MREG: variants seen among roughly 807,000 people sequenced by gnomAD.
MREG encodes dilute suppressor protein homolog.
A neutral mutation model predicts 28.5 loss-of-function variants in MREG; 31 were observed. That is an observed-to-expected ratio of 1.09 (90% confidence interval 0.82 to 1.47). The LOEUF (loss-of-function observed/expected upper bound fraction) is 1.47. Ranked by LOEUF, MREG falls within the 40% of genes most tolerant of loss-of-function variation. The pLI is 0.00. For synonymous variants in MREG, 106 were observed against 95.2 expected, an observed-to-expected ratio of 1.11 and a Z score of -0.66; for missense variants, 256 against 257.4, an observed-to-expected ratio of 0.99 and a Z score of 0.04.
intron 1 of MREG, among the ~76,000 whole-genome samples, chr2:215,999,112 G>A (rs1378157669): frequency 1.3e-4 from 20 of 152,204 alleles, no homozygotes; most frequent in Non-Finnish European, 1.8e-4. Flanking sequence ...AGGAGCCCAC[G>A]GGGTTGGGGA....
upstream of MREG, among the ~76,000 whole-genome samples, chr2:216,015,861 A>T (rs1270817758): frequency 3.3e-5 from 5 of 152,190 alleles, no homozygotes; most frequent in African/African-American, 4.8e-5. Context: ...CTGAATCTCC[A>T]CTGGCTGAGA....
intron 2 of MREG, among the ~76,000 whole-genome samples, chr2:215,987,692 C>T (rs984491505): frequency 6.6e-6 from 1 of 152,056 alleles, no homozygotes; most frequent in Non-Finnish European, 1.5e-5. Context: ...ACCAGACAGA[C>T]CAACATGGTG....
chr2:216,024,884 A>G (rs1215536940), intron 1 of MREG, among the ~76,000 whole-genome samples: 1 of 146,820 alleles, frequency 6.8e-6, no homozygotes, highest in Non-Finnish European at 1.5e-5. Context: ...CTCTGTCTCA[A>G]AAAAAAAAAA....
At chr2:215,974,856 T>A (rs574409242) in intron 2 of MREG, among the ~76,000 whole-genome samples, 38 of 137,548 alleles carry the variant, frequency 2.8e-4, no homozygotes, top group African/African-American at 6.8e-4. Flanking sequence ...ACACACACTC[T>A]CTCTCTCTCT....
intron 2 of MREG, among the ~76,000 whole-genome samples, chr2:215,960,991 C>G (rs1202680265): frequency 2.0e-5 from 3 of 152,198 alleles, no homozygotes; most frequent in Admixed American, 6.5e-5. Context: ...TTCACTGTTC[C>G]TAGACAGCTG....
intron 2 of MREG, among the ~76,000 whole-genome samples, chr2:215,971,967 T>G (rs1693111720): frequency 6.6e-6 from 1 of 152,146 alleles, no homozygotes; most frequent in Non-Finnish European, 1.5e-5. Flanking sequence ...CACCCGCAGT[T>G]AGTTGCCCGA....
chr2:215,968,607 T>C (rs1313302266), intron 2 of MREG, among the ~76,000 whole-genome samples: 1 of 152,192 alleles, frequency 6.6e-6, no homozygotes, highest in Non-Finnish European at 1.5e-5. Flanking sequence ...CAGGGCCTAC[T>C]GATGCAGTGT....
upstream of MREG, among the ~76,000 whole-genome samples, chr2:216,015,760 G>C (rs1033735272): frequency 2.0e-5 from 3 of 152,120 alleles, no homozygotes; most frequent in African/African-American, 4.8e-5. Flanking sequence ...TTTGAAGGTA[G>C]AGCCAACAGG....
chr2:216,018,369 C>T (rs906908918), upstream of MREG, among the ~76,000 whole-genome samples: 4 of 152,190 alleles, frequency 2.6e-5, no homozygotes, highest in Non-Finnish European at 5.9e-5. Context: ...ATATCCCCAA[C>T]GCCTAGAACA....
At chr2:216,018,651 A>G (rs78121439) in intron 1 of MREG, among the ~76,000 whole-genome samples, 1,542 of 152,316 alleles carry the variant, frequency 0.01, 23 homozygotes, top group African/African-American at 0.035. Flanking sequence ...GTGATCCAAG[A>G]TAGAGAAGCA....
intron 2 of MREG, among the ~76,000 whole-genome samples, chr2:215,949,392 T>C (rs1379214996): frequency 6.6e-6 from 1 of 151,468 alleles, no homozygotes; most frequent in Non-Finnish European, 1.5e-5. Context: ...AAACCCCGTC[T>C]CTACTAAAAA....
intron 2 of MREG, among the ~76,000 whole-genome samples, chr2:215,968,387 C>A (rs1574610166): frequency 6.6e-6 from 1 of 152,188 alleles, no homozygotes; most frequent in East Asian, 1.9e-4. Context: ...TGTTGCCTCA[C>A]AACAGAACCC....
At chr2:215,974,000 C>T (rs1693175188) in intron 2 of MREG, among the ~76,000 whole-genome samples, 1 of 152,212 alleles carries the variant, frequency 6.6e-6, no homozygotes, top group South Asian at 2.1e-4. Flanking sequence ...CATTGAAAAT[C>T]ACCCCATGTT....
At chr2:216,003,339 T>C (rs372666588) in intron 1 of MREG, among the ~76,000 whole-genome samples, 81 of 152,216 alleles carry the variant, frequency 5.3e-4, no homozygotes, top group African/African-American at 1.9e-3. Flanking sequence ...CAGAGCCCCA[T>C]ATGATGCTGC....
intron 2 of MREG, among the ~76,000 whole-genome samples, chr2:215,955,088 C>T (rs921270603): frequency 6.6e-6 from 1 of 152,232 alleles, no homozygotes; most frequent in South Asian, 2.1e-4. Context: ...GTTCTCTCCA[C>T]AGGTAATTAA....
intron 2 of MREG, among the ~76,000 whole-genome samples, chr2:215,960,783 G>A (rs954071702): frequency 2.6e-5 from 4 of 152,070 alleles, no homozygotes; most frequent in African/African-American, 9.7e-5. Flanking sequence ...GCAGTGAGTT[G>A]AGATCGGGCC....
In MREG at chr2:215,942,782, G is replaced by T. The variant is rs1490258540; in HGVS notation, c.*2081C>A. On this transcript the variant is annotated 3_prime_UTR_variant, in exon 5 of 5. Coordinates refer to ENST00000263268, the MANE Select transcript of MREG (RefSeq NM_018000.3). ...GGCAAAATACAAATTCTGAGACCGA[G>T]AGTAAAACAATACGACATCCTTAGG... The T allele has an allele frequency of 1.3e-5, 2 of 152,606 alleles. No individual in the cohort carries two copies. The highest frequency in any genetic ancestry group is 2.9e-5 in the Non-Finnish European group (2 of 68,040). The allele number at this position is 152,606 out of a possible 1,614,324, so 9.5% of individuals were successfully genotyped here.
intron 2 of MREG, among the ~76,000 whole-genome samples, chr2:215,985,106 T>C (rs1693532038): frequency 6.6e-6 from 1 of 152,216 alleles, no homozygotes; most frequent in Non-Finnish European, 1.5e-5. Flanking sequence ...CAGTGAGTTG[T>C]TGTTAAAGAG....
chr2:216,024,873 ACT>A (rs1694571268), intron 1 of MREG, among the ~76,000 whole-genome samples: 1 of 148,984 alleles, frequency 6.7e-6, no homozygotes, highest in South Asian at 2.2e-4. Context: ...ACGGAGCAAG[ACT>A]CTGTCTCAAA....
Sources: gnomAD v4.1 joint callset for allele counts (sites outside exome capture counted in the v4.1 genomes callset) on GRCh38, gnomAD v4.1.1 for gene constraint, MANE v1.5 for transcripts, NCBI Gene and HGNC (gene_info 2026-07-23, HGNC 2026-07-21) for gene names.